The following USP9X variants were observed in gnomAD, a reference collection of about 807,000 sequenced individuals.
The protein encoded by USP9X is ubiquitin specific peptidase 9 X-linked.
A neutral mutation model predicts 190.3 loss-of-function variants in USP9X; 7 were observed. The observed-to-expected ratio is 0.04, with a 90% CI of 0.02 to 0.07. USP9X has a LOEUF of 0.07. Among genes scored for constraint, USP9X ranks in the 10% least tolerant of loss-of-function variants. The probability of loss-of-function intolerance (pLI) is 1.00; values close to 1 mark genes in which losing one functional copy is unlikely to be tolerated. For missense variants in USP9X, 1,010 were observed against 1,916.9 expected (o/e 0.53, Z 8.83); for synonymous variants, 645 against 659.5 (o/e 0.98, Z 0.34).
intron 1 of USP9X, among the ~76,000 whole-genome samples, chrX:41,121,416 G>A (rs1221593316): frequency 9.0e-6 from 1 of 111,679 alleles, no homozygotes; most frequent in African/African-American, 3.3e-5. Context: ...CATAGACTGG[G>A]TATGAGAATC....
At chrX:41,165,319 G>A (rs964200765) in intron 15 of USP9X, among the ~76,000 whole-genome samples, 2 of 111,617 alleles carry the variant, frequency 1.8e-5, no homozygotes, top group African/African-American at 6.5e-5. Context: ...TCCGCCTCCC[G>A]GGTTCAATTG....
At chrX:41,120,040 C>T (rs1426414474) in intron 1 of USP9X, among the ~76,000 whole-genome samples, 1 of 111,451 alleles carries the variant, frequency 9.0e-6, no homozygotes, top group Non-Finnish European at 1.9e-5. Context: ...ATTTAAAGAG[C>T]TTCTATGTCT....
chrX:41,169,853 A>G, intron 18 of USP9X, 142 bp from the exon 19 acceptor site: 1 of 800,590 alleles, frequency 1.2e-6, no homozygotes, highest in Admixed American at 3.1e-5. Flanking sequence ...AGGGATTCTC[A>G]AGCTGTATTA....
At chrX:41,218,663 G>A (rs2063234114) in intron 37 of USP9X, 66 bp downstream of exon 37, 20 of 1,030,817 alleles carry the variant, frequency 1.9e-5, no homozygotes, top group East Asian at 3.0e-5. Context: ...CCTGGAAGTC[G>A]AAGTCACAAG....
Position 41,216,617 on chromosome X carries a change from T to A in USP9X, c.6050T>A (p.Leu2017His). The A allele has an allele frequency of 8.3e-7, 1 of 1,210,480 alleles. No homozygotes were observed. Among genetic ancestry groups the A allele is most frequent in the Non-Finnish European group, 1.1e-6 (1 of 894,552 alleles). The change falls in exon 35 of 45, where the codon CTT (leucine) becomes CAT (histidine). Residue 2017 changes from leucine to histidine, a missense_variant. Transcript: ENST00000378308. Reference protein sequence around the residue: ...MEYFQFMKKLLTCNGVYLNPP... With the variant: ...MEYFQFMKKLHTCNGVYLNPP... Reference sequence around the variant, plus strand: ...TATTTTCAGTTTATGAAAAAACTGCTTACATGTAATGGCGTTTACTTAAAC... The same window carrying A: ...TATTTTCAGTTTATGAAAAAACTGCATACATGTAATGGCGTTTACTTAAAC...
intron 1 of USP9X, among the ~76,000 whole-genome samples, chrX:41,110,843 T>C (rs779724982): frequency 1.8e-5 from 2 of 111,359 alleles, no homozygotes; most frequent in South Asian, 7.5e-4. Context: ...GTTTTAGAGA[T>C]TGAAAGTGTT....
intron 21 of USP9X, among the ~76,000 whole-genome samples, chrX:41,176,401 G>T (rs943980723): frequency 1.8e-5 from 2 of 111,691 alleles, no homozygotes; most frequent in African/African-American, 3.3e-5. Flanking sequence ...CTTCAGTGTG[G>T]CTGAAGGCTT....
rs757691019 is a variant in USP9X, at chrX:41,141,039, G to A, written c.844G>A (p.Val282Ile). The change falls in exon 8 of 45, where the codon GTT becomes ATT. Residue 282 changes from valine (V) to isoleucine (I), a missense_variant. Coordinates refer to ENST00000378308, the MANE Select transcript of USP9X (RefSeq NM_001039591.3). ...KKYFLPIIEMVPQFLENLTDE... is the reference protein window; with the variant it reads ...KKYFLPIIEMIPQFLENLTDE... ...GTACTTTCTTCCAATAATAGAAATGGTTCCACAGTTTTTAGAAAACTTAAC... is the reference window on the plus strand; with the variant it reads ...GTACTTTCTTCCAATAATAGAAATGATTCCACAGTTTTTAGAAAACTTAAC... 1 of 1,206,482 alleles carries A rather than the reference G, an allele frequency of 8.3e-7. No individual in the cohort carries two copies. The highest frequency in any genetic ancestry group is 3.0e-5 in the East Asian group (1 of 33,705).
chrX:41,120,247 T>TA (rs1241601038), intron 1 of USP9X, among the ~76,000 whole-genome samples: 3 of 111,953 alleles, frequency 2.7e-5, no homozygotes, highest in South Asian at 3.7e-4. Flanking sequence ...TACTTACTGA[T>TA]ACGGTAATTT....
chrX:41,118,167 AT>A (rs763168126), intron 1 of USP9X, among the ~76,000 whole-genome samples: 1 of 111,803 alleles, frequency 8.9e-6, no homozygotes, highest in African/African-American at 3.3e-5. Flanking sequence ...GATTTTAACC[AT>A]TTTTAAGTTT....
At chrX:41,232,201 A>C (rs929567425) in intron 44 of USP9X, among the ~76,000 whole-genome samples, 186 bp from the exon 45 acceptor site, 1 of 98,367 alleles carries the variant, frequency 1.0e-5, no homozygotes, top group Non-Finnish European at 2.0e-5. Flanking sequence ...TTGCATTTAC[A>C]CTACGTTTTT....
chrX:41,089,904 T>TTTTTTG (rs2061942175), intron 1 of USP9X, among the ~76,000 whole-genome samples: 1 of 4,745 alleles, frequency 2.1e-4, no homozygotes, highest in East Asian at 2.6e-3. Flanking sequence ...TCTATGAGGG[T>TTTTTTG]TTTTTTTTTT....
chrX:41,100,607 A>G (rs770139908), intron 1 of USP9X, among the ~76,000 whole-genome samples: 2 of 111,556 alleles, frequency 1.8e-5, no homozygotes, highest in East Asian at 5.5e-4. Context: ...ATCTAGCTAA[A>G]AGGGCCCTTA....
chrX:41,208,354 G>C (rs1365736966), intron 32 of USP9X, among the ~76,000 whole-genome samples: 1 of 112,116 alleles, frequency 8.9e-6, no homozygotes, highest in Non-Finnish European at 1.9e-5. Flanking sequence ...CTTTCGTCTT[G>C]TCATTCAGTT....
Position 41,230,341 on chromosome X carries a change from T to G in USP9X, c.7432-160T>G, listed in dbSNP as rs375054117. ...CAAATCAGGTTTTTTGTTTTGTTTT[T>G]TTTTTTTTTGTTTTTTCCCCAAGTT... On this transcript the variant is annotated intron_variant, in intron 43 of 44. Coordinates refer to ENST00000378308, the MANE Select transcript of USP9X (RefSeq NM_001039591.3). 0.016 allele frequency among the ~76,000 whole-genome samples: 1,810 copies of G among 110,924 alleles called. 41 individuals carry two copies. The highest frequency in any genetic ancestry group is 0.056 in the African/African-American group (1,734 of 30,707).
intron 1 of USP9X, among the ~76,000 whole-genome samples, chrX:41,088,637 G>A (rs1359781865): frequency 8.9e-6 from 1 of 112,141 alleles, no homozygotes; most frequent in Non-Finnish European, 1.9e-5. Flanking sequence ...GGCAGTGAAG[G>A]TGAGGGGGGT....
At chrX:41,169,523 C>T (rs1164492786) in intron 18 of USP9X, among the ~76,000 whole-genome samples, 1 of 110,835 alleles carries the variant, frequency 9.0e-6, no homozygotes, top group African/African-American at 3.3e-5. Context: ...GGTGCAGTCT[C>T]GGATCACTGC....
chrX:41,191,367 T>C (rs1220370059), intron 26 of USP9X, among the ~76,000 whole-genome samples: 1 of 107,076 alleles, frequency 9.3e-6, no homozygotes, highest in Non-Finnish European at 1.9e-5. Context: ...CCCAAATACA[T>C]ACTGGCCCCA....
chrX:41,152,918 A>T, intron 13 of USP9X, 30 bp from the exon 14 acceptor site: 1 of 1,187,399 alleles, frequency 8.4e-7, no homozygotes, highest in Non-Finnish European at 1.1e-6. Flanking sequence ...TTAATTGCCT[A>T]ATTATATTGT....
Sources: gnomAD v4.1 joint callset for allele counts (sites outside exome capture counted in the v4.1 genomes callset) on GRCh38, gnomAD v4.1.1 for gene constraint, MANE v1.5 for transcripts, NCBI Gene and HGNC (gene_info 2026-07-23, HGNC 2026-07-21) for gene names.